CPNE8: variants seen among roughly 807,000 people sequenced by gnomAD.
The protein encoded by CPNE8 is copine-8.
Under a neutral mutation model 81.5 loss-of-function variants are expected in CPNE8, and 45 were observed. That is an observed-to-expected ratio of 0.55 (90% CI 0.44 to 0.71). The LOEUF is 0.71. Ranked by LOEUF, CPNE8 falls within the 30% of genes least tolerant of loss-of-function variation. The pLI is 0.00. For synonymous variants in CPNE8, 252 were observed against 226.3 expected (o/e 1.11, Z -1.02); for missense variants, 594 against 672.1 (o/e 0.88, Z 1.28).
chr12:38,679,368 C>A (rs1939362234), intron 16 of CPNE8, among the ~76,000 whole-genome samples: 1 of 151,674 alleles, frequency 6.6e-6, no homozygotes, highest in Non-Finnish European at 1.5e-5. Context: ...ATAGATACAG[C>A]CTAAAGCAGA....
chr12:38,796,763 T>A (rs1244560207), intron 6 of CPNE8, among the ~76,000 whole-genome samples: 2 of 151,982 alleles, frequency 1.3e-5, no homozygotes, highest in Admixed American at 6.6e-5. Context: ...CTCGGGAAGC[T>A]CAAGTGGTCA....
At chr12:38,713,311 A>C (rs185149786) in intron 13 of CPNE8, among the ~76,000 whole-genome samples, 84 of 152,264 alleles carry the variant, frequency 5.5e-4, no homozygotes, top group African/African-American at 1.8e-3. Flanking sequence ...CCTTTCTCTT[A>C]AGATATGAAG....
chr12:38,683,805 T>C (rs1469492861), intron 16 of CPNE8, among the ~76,000 whole-genome samples: 1 of 152,132 alleles, frequency 6.6e-6, no homozygotes, highest in Admixed American at 6.5e-5. Flanking sequence ...GATCATAGTT[T>C]ATTTTCAAGG....
intron 14 of CPNE8, among the ~76,000 whole-genome samples, chr12:38,697,447 A>G (rs1939824728): frequency 6.6e-6 from 1 of 152,182 alleles, no homozygotes. Flanking sequence ...TTGGGATATT[A>G]TGCTGTTATA....
rs570401211 is a variant in CPNE8, at chr12:38,662,248, T to C, written c.1507-8178A>G. ...TTTGCAGCTGACATGATCTTATATA[T>C]GGAAAACCCTGAGAATACCACAATA... On this transcript the variant is annotated intron_variant, in intron 19 of 19. Transcript: ENST00000331366. 3.3e-5 allele frequency among the ~76,000 whole-genome samples: 5 copies of C among 152,252 alleles called. No individual in the cohort carries two copies. The East Asian group carries it at 7.7e-4, about 24-fold the overall frequency.
At position 38,653,625 on chromosome 12, in the gene CPNE8, A is replaced by AAAAAAAAAAAAG. The variant is rs1444932251; in HGVS notation, c.*256_*257insCTTTTTTTTTTT. ...AAATTAGCTGTTTCTGTTAAAAAAA[A>AAAAAAAAAAAAG]AAAGAAAGAAAGATTTAGAGAAGAC... On this transcript the variant is annotated 3_prime_UTR_variant, in exon 20 of 20. Coordinates refer to ENST00000331366, the MANE Select transcript of CPNE8 (RefSeq NM_153634.3). The AAAAAAAAAAAAG allele has an allele frequency of 7.1e-4, 207 of 290,704 alleles. No individual in the cohort carries two copies. Among genetic ancestry groups the AAAAAAAAAAAAG allele is most frequent in the East Asian group, 4.8e-3 (90 of 18,660 alleles). 18.0% of individuals were successfully genotyped at this position (290,704 alleles called of 1,614,324 possible). A position where few individuals can be genotyped will look rare whatever the true frequency, so the allele number is the denominator to read the frequency against.
chr12:38,901,962 T>G (rs574039575), intron 1 of CPNE8, among the ~76,000 whole-genome samples: 1 of 152,268 alleles, frequency 6.6e-6, no homozygotes, highest in African/African-American at 2.4e-5. Flanking sequence ...GCATTTCTCA[T>G]GGACCCTAGC....
intron 19 of CPNE8, among the ~76,000 whole-genome samples, chr12:38,664,538 A>T (rs1051799604): frequency 7.2e-5 from 11 of 152,126 alleles, no homozygotes; most frequent in African/African-American, 2.7e-4. Flanking sequence ...AGTATCAGTT[A>T]TACAGTAATT....
At chr12:38,807,007 T>G (rs896157376) in intron 6 of CPNE8, among the ~76,000 whole-genome samples, 2 of 151,644 alleles carry the variant, frequency 1.3e-5, no homozygotes, top group African/African-American at 4.8e-5. Context: ...CACAACTGCT[T>G]CAAAGAGAAT....
intron 6 of CPNE8, among the ~76,000 whole-genome samples, chr12:38,782,616 A>C (rs548414456): frequency 1.3e-5 from 2 of 152,242 alleles, no homozygotes; most frequent in South Asian, 4.1e-4. Flanking sequence ...AAGAAAGTGA[A>C]TAGAATAAAG....
chr12:38,845,114 A>G (rs906975163), intron 4 of CPNE8, among the ~76,000 whole-genome samples: 2 of 152,234 alleles, frequency 1.3e-5, no homozygotes, highest in East Asian at 1.9e-4. Context: ...CACAAGCCCA[A>G]TCCAAAACCT....
At chr12:38,746,305 T>C (rs1941226509) in intron 10 of CPNE8, among the ~76,000 whole-genome samples, 1 of 149,410 alleles carries the variant, frequency 6.7e-6, no homozygotes, top group African/African-American at 2.5e-5. Flanking sequence ...AACTTGGTGG[T>C]CAAAAGGATT....
rs116959396 is a variant in CPNE8, at chr12:38,790,239, A to G, written c.408-13938T>C. On this transcript the variant is annotated intron_variant, in intron 6 of 19. Coordinates refer to ENST00000331366, the MANE Select transcript of CPNE8 (RefSeq NM_153634.3). The stretch of plus-strand genomic sequence containing the variant: ...ATACAGAAAATGTGATACTGATCAT[A>G]ATGGAGTACTATTCAGCCATAAAGA... Among the ~76,000 whole-genome samples the G allele has an allele frequency of 9.7e-3, 1,470 of 151,972 alleles. 13 individuals are homozygous for G. Among genetic ancestry groups the G allele is most frequent in the Non-Finnish European group, 0.018 (1,222 of 67,750 alleles).
chr12:38,711,572 G>A (rs1028136010), intron 13 of CPNE8, among the ~76,000 whole-genome samples: 2 of 151,572 alleles, frequency 1.3e-5, no homozygotes, highest in Non-Finnish European at 2.9e-5. Flanking sequence ...GGGATCAAGC[G>A]ATTCTCCTGC....
At chr12:38,724,748 GT>G (rs1215810333) in intron 12 of CPNE8, 97 bp downstream of exon 12, 22 of 838,868 alleles carry the variant, frequency 2.6e-5, no homozygotes, top group African/African-American at 6.9e-5. Flanking sequence ...ACACAGCTCA[GT>G]TTTTTTAATT....
intron 7 of CPNE8, among the ~76,000 whole-genome samples, chr12:38,774,262 A>C (rs1239460294): frequency 2.0e-5 from 3 of 152,140 alleles, no homozygotes; most frequent in Non-Finnish European, 4.4e-5. Flanking sequence ...CATTTACATA[A>C]AATCTGCTCA....
chr12:38,807,706 T>C (rs1273698783), intron 6 of CPNE8, among the ~76,000 whole-genome samples: 2 of 150,844 alleles, frequency 1.3e-5, no homozygotes, highest in Non-Finnish European at 3.0e-5. Flanking sequence ...GGACTTCATG[T>C]CTAAAACACC....
chr12:38,869,095 T>A (rs1943955187), intron 3 of CPNE8, among the ~76,000 whole-genome samples: 1 of 152,140 alleles, frequency 6.6e-6, no homozygotes, highest in Non-Finnish European at 1.5e-5. Flanking sequence ...ACACTGCACA[T>A]CCATCAATGG....
intron 6 of CPNE8, among the ~76,000 whole-genome samples, chr12:38,776,605 C>T (rs1941944007): frequency 6.6e-6 from 1 of 152,066 alleles, no homozygotes; most frequent in African/African-American, 2.4e-5. Flanking sequence ...CTACCACACC[C>T]GGCCCTCAAT....
Sources: allele counts gnomAD v4.1 joint callset (sites outside exome capture counted in the v4.1 genomes callset), GRCh38; gene constraint gnomAD v4.1.1; transcripts MANE v1.5; gene names NCBI Gene and HGNC (gene_info 2026-07-23, HGNC 2026-07-21).